NME8: variants seen among roughly 807,000 people sequenced by gnomAD.
NME8 encodes the protein NME/NM23 family member 8, also known as protein NME8.
Under a neutral mutation model 82.3 loss-of-function variants are expected in NME8, and 72 were observed. That is an observed-to-expected ratio of 0.87 (90% confidence interval 0.72 to 1.06). The LOEUF is 1.06. Among genes scored for constraint, NME8 ranks in the 50% least tolerant of loss-of-function variants. The pLI is 0.00. For synonymous variants in NME8, 267 were observed against 228.5 expected (o/e 1.17, Z -1.52); for missense variants, 712 against 685.4 (o/e 1.04, Z -0.43).
chr7:37,862,988 C>A (rs1784620043), intron 7 of NME8, among the ~76,000 whole-genome samples: 1 of 151,966 alleles, frequency 6.6e-6, no homozygotes, highest in African/African-American at 2.4e-5. Flanking sequence ...GGCATGGTGG[C>A]AGGTGCCTGT....
intron 12 of NME8, among the ~76,000 whole-genome samples, chr7:37,882,595 G>T (rs1164353180): frequency 3.7e-5 from 2 of 53,984 alleles, no homozygotes; most frequent in Non-Finnish European, 7.3e-5. Context: ...AAGAAAGAAA[G>T]AAAGAGAGAG....
chr7:37,890,214 AAAGGCAGATT>A (rs1016368310), intron 15 of NME8, among the ~76,000 whole-genome samples: 1 of 151,968 alleles, frequency 6.6e-6, no homozygotes, highest in Non-Finnish European at 1.5e-5. Flanking sequence ...TAAAATCCAT[AAAGGCAGATT>A]TGTATTCATG....
At chr7:37,871,031 C>T (rs376296526) in intron 11 of NME8, among the ~76,000 whole-genome samples, 6 of 152,110 alleles carry the variant, frequency 3.9e-5, no homozygotes, top group Non-Finnish European at 7.4e-5. Context: ...CTTTATTGCC[C>T]CCTCTCCCCT....
At chr7:37,865,671 A>G in intron 10 of NME8, 54 bp downstream of exon 10, 1 of 1,201,226 alleles carries the variant, frequency 8.3e-7, no homozygotes, top group Non-Finnish European at 1.2e-6. Flanking sequence ...AGTGGCCTCC[A>G]TAAGCTTTAA....
At position 37,873,916 on chromosome 7, in the gene NME8, C is replaced by G. The variant is rs917338993; in HGVS notation, c.819-2916C>G. Among the ~76,000 whole-genome samples the G allele has an allele frequency of 6.6e-4, 101 of 152,232 alleles. 1 individual carries two copies. Among genetic ancestry groups the G allele is most frequent in the African/African-American group, 2.4e-3 (100 of 41,542 alleles). ...TGCACTTTAGGTGGATCCCTTCCAC[C>G]AACTGCATACTTGGCAGCAATTGAG... On this transcript the variant is annotated intron_variant, in intron 11 of 17. Coordinates refer to ENST00000199447, the MANE Select transcript of NME8 (RefSeq NM_016616.5).
rs1784401567 is a variant in NME8 at position 37,849,066 on chromosome 7, GC to G, written c.-8+12del. 6.6e-6 allele frequency: 1 copy of G among 152,448 alleles called. No homozygotes were observed. The highest frequency in any genetic ancestry group is 1.9e-4 in the East Asian group (1 of 5,182). 9.4% of individuals were successfully genotyped at this position (152,448 alleles called of 1,614,324 possible). A position where few individuals can be genotyped will look rare whatever the true frequency, so the allele number is the denominator to read the frequency against. ...GGAGGACCTGTTTTGTGTAAGGCTT[GC>G]CGGAGCAACCAGCACCTTTCCTGGA... On this transcript the variant is annotated intron_variant, in intron 2 of 17. Transcript: ENST00000199447.
At chr7:37,875,934 G>A (rs1250326209) in intron 11 of NME8, among the ~76,000 whole-genome samples, 3 of 152,046 alleles carry the variant, frequency 2.0e-5, no homozygotes, top group Non-Finnish European at 4.4e-5. Context: ...TTGACTGGGC[G>A]CGGTGGCTCA....
intron 5 of NME8, 68 bp downstream of exon 5, chr7:37,850,803 C>A: frequency 1.0e-6 from 1 of 998,024 alleles, no homozygotes; most frequent in Non-Finnish European, 1.6e-6. Context: ...TCCTCTAATA[C>A]TTTAAGTATT....
At position 37,850,628 on chromosome 7, in the gene NME8, G is replaced by A. The variant is rs1400809471; in HGVS notation, c.92-1G>A. 2 of 1,599,530 alleles carry A rather than the reference G, an allele frequency of 1.3e-6. No individual in the cohort carries two copies. Among genetic ancestry groups the A allele is most frequent in the East Asian group, 4.5e-5 (2 of 44,816 alleles). ...ATTTCATAAATATCATCATCTTCTA[G>A]TGATTGATGTTTACCAAGCCTGGTG... On this transcript the variant is annotated splice_acceptor_variant, in intron 4 of 17. Transcript: ENST00000199447. LOFTEE classifies it high-confidence loss of function.
At chr7:37,882,643 G>A (rs66619061) in intron 12 of NME8, among the ~76,000 whole-genome samples, 572 of 49,364 alleles carry the variant, frequency 0.012, 13 homozygotes, top group East Asian at 0.033. Flanking sequence ...AAGAAAGAAA[G>A]AGAAAGAAAG....
intron 13 of NME8, 47 bp from the exon 14 acceptor site, chr7:37,885,098 C>G: frequency 8.4e-7 from 1 of 1,187,922 alleles, no homozygotes; most frequent in Non-Finnish European, 1.3e-6. Flanking sequence ...TAATTAGCTA[C>G]TGAGCTACAC....
intron 12 of NME8, 34 bp from the exon 13 acceptor site, chr7:37,884,269 G>A (rs1221558024): frequency 1.4e-6 from 2 of 1,411,670 alleles, no homozygotes; most frequent in Non-Finnish European, 2.0e-6. Flanking sequence ...TAATCTACCA[G>A]TTTAAAACTT....
At chr7:37,881,036 T>C (rs1001595008) in intron 12 of NME8, among the ~76,000 whole-genome samples, 2 of 152,214 alleles carry the variant, frequency 1.3e-5, no homozygotes, top group African/African-American at 4.8e-5. Context: ...TGTGTTGTTG[T>C]TATTGACAAT....
intron 10 of NME8, among the ~76,000 whole-genome samples, chr7:37,865,870 G>A (rs1187170410): frequency 6.6e-6 from 1 of 152,034 alleles, no homozygotes; most frequent in Non-Finnish European, 1.5e-5. Flanking sequence ...ACCTCTTTAT[G>A]TCAGGCCCTC....
chr7:37,879,894 A>G (rs906921564), intron 12 of NME8, among the ~76,000 whole-genome samples: 2 of 152,200 alleles, frequency 1.3e-5, no homozygotes, highest in Non-Finnish European at 2.9e-5. Flanking sequence ...AGTTACATTA[A>G]TAGGTAAATA....
intron 16 of NME8, among the ~76,000 whole-genome samples, chr7:37,895,875 C>T (rs2722347): frequency 0.93 from 141,879 of 152,230 alleles, 66,423 homozygotes; most frequent in Non-Finnish European, 0.97. Flanking sequence ...GCCCAGGAGC[C>T]ATAGGCTGAA....
intron 17 of NME8, among the ~76,000 whole-genome samples, chr7:37,898,051 T>C (rs915367568): frequency 6.6e-6 from 1 of 152,202 alleles, no homozygotes; most frequent in African/African-American, 2.4e-5. Flanking sequence ...GTATCTCTGG[T>C]TCTAGATCCT....
chr7:37,897,297 C>T lies in NME8; in HGVS notation c.*15+190C>T, dbSNP rs577637634. On this transcript the variant is annotated intron_variant, in intron 17 of 17. Transcript: ENST00000199447. ...AGCTGAACCTTGTAGATGCTGATGA[C>T]CGTGGGGATTCTGGTTGCTTGTAAC... is the stretch of plus-strand genomic sequence containing the variant. Among the ~76,000 whole-genome samples the T allele has an allele frequency of 1.4e-4, 22 of 152,114 alleles. No individual in the cohort carries two copies. The South Asian group carries it at 3.3e-3, about 23-fold the overall frequency.
chr7:37,855,798 T>C (rs1255644575), intron 5 of NME8, among the ~76,000 whole-genome samples: 2 of 152,196 alleles, frequency 1.3e-5, no homozygotes, highest in Admixed American at 6.6e-5. Context: ...TTAGAGTCTA[T>C]AGGCATGCCT....
Sources: gnomAD v4.1 joint callset for allele counts (sites outside exome capture counted in the v4.1 genomes callset) on GRCh38, gnomAD v4.1.1 for gene constraint, MANE v1.5 for transcripts, NCBI Gene and HGNC (gene_info 2026-07-23, HGNC 2026-07-21) for gene names.